The following HCST variants were observed in gnomAD, a reference collection of about 807,000 sequenced individuals.
The protein encoded by HCST is hematopoietic cell signal transducer.
HCST carries 12 observed loss-of-function variants against 10.8 expected under a neutral mutation model. The observed-to-expected ratio is 1.12, with a 90% CI of 0.72 to 1.81. The LOEUF is 1.81. Among genes scored for constraint, HCST ranks in the 40% most tolerant of loss-of-function variants. The pLI, the probability that HCST is intolerant of heterozygous loss-of-function variation, is 0.00. For synonymous variants in HCST, 59 were observed against 51.6 expected (o/e 1.14, Z -0.61); for missense variants, 102 against 117.9 (o/e 0.87, Z 0.62).
chr19:35,903,422 ACTTC>A lies in HCST; in HGVS notation c.109+8_109+11del. ...CTTTTACCCTGGCACTTCAGGTATC[ACTTC>A]CACCCCAGAAGCTTGGCCAGAGGCT... On this transcript the variant is annotated splice_region_variant and intron_variant, in intron 2 of 3. Transcript: ENST00000246551. 1 of 1,613,112 alleles carries A rather than the reference ACTTC, an allele frequency of 6.2e-7. No homozygotes were observed.
rs1797393604 is a variant in HCST, at chr19:35,903,356, G to A, written c.49G>A (p.Ala17Thr). The change falls in exon 2 of 4, where the codon GCA (alanine) becomes ACA (threonine). Residue 17 changes from alanine to threonine, a missense_variant. By Grantham distance (58) the Ala-to-Thr change is moderately conservative. Transcript: ENST00000246551. ...ILFLLLLPVA[A>T]AQTTPGERSS... ...CCTTCTTTCTCTTTCCACAGTGGCT[G>A]CAGCTCAGACGACTCCAGGAGAGAG... The A allele has an allele frequency of 4.3e-6, 7 of 1,613,486 alleles. No homozygotes were observed. Among genetic ancestry groups the A allele is most frequent in the Non-Finnish European group, 5.9e-6 (7 of 1,179,670 alleles).
intron 2 of HCST, 152 bp from the exon 3 acceptor site, chr19:35,903,620 C>A: frequency 8.4e-7 from 1 of 1,188,342 alleles, no homozygotes; most frequent in Non-Finnish European, 1.2e-6. Flanking sequence ...CCCAGCCTCT[C>A]TGCATCTGTC....
chr19:35,903,587 C>G (rs892046092), intron 2 of HCST, 171 bp downstream of exon 2: 3 of 1,043,078 alleles, frequency 2.9e-6, no homozygotes, highest in Non-Finnish European at 4.3e-6. Context: ...GCCCGCCGCA[C>G]AGCCCCGAGG....
intron 1 of HCST, 197 bp from the exon 2 acceptor site, chr19:35,903,154 C>G (rs1975622750): frequency 1.9e-5 from 10 of 534,018 alleles, no homozygotes; most frequent in South Asian, 1.8e-4. Flanking sequence ...ACACTTCCAG[C>G]TAATTTTTGT....
intron 3 of HCST, 96 bp from the exon 4 acceptor site, chr19:35,904,024 T>TG: frequency 6.3e-7 from 1 of 1,590,928 alleles, no homozygotes; most frequent in Non-Finnish European, 8.6e-7. Flanking sequence ...GGGAGGTGCC[T>TG]GGGGGAACCC....
chr19:35,903,530 G>C (rs1975634773), intron 2 of HCST, 114 bp downstream of exon 2: 1 of 1,133,628 alleles, frequency 8.8e-7, no homozygotes, highest in Non-Finnish European at 1.3e-6. Context: ...CCTTCTCCGA[G>C]TCCCAGAATC....
At chr19:35,903,651 G>C in intron 2 of HCST, 121 bp from the exon 3 acceptor site, 1 of 1,414,736 alleles carries the variant, frequency 7.1e-7, no homozygotes, top group South Asian at 1.2e-5. Context: ...TTCCCCAAGC[G>C]CAACTCCAAG....
In HCST at chr19:35,904,368, T is replaced by TC. The variant is rs1975664656; in HGVS notation, c.*212dup. 1 of 798,810 alleles carries TC rather than the reference T, an allele frequency of 1.3e-6. No homozygotes were observed. The highest frequency in any genetic ancestry group is 1.7e-5 in the African/African-American group (1 of 58,842). 49.5% of individuals were successfully genotyped at this position (798,810 alleles called of 1,614,324 possible). On this transcript the variant is annotated 3_prime_UTR_variant, in exon 4 of 4. Coordinates refer to ENST00000246551, the MANE Select transcript of HCST (RefSeq NM_014266.4). ...AAGGCCCCCTCAGAACCCCCACATG[T>TC]CCCCATCCCATCAGCCCAAGGATCT...
rs143437594 is a variant in HCST, at chr19:35,903,528, G to A, written c.109+112G>A. 758 of 1,133,772 alleles carry A rather than the reference G, an allele frequency of 6.7e-4. 3 individuals are homozygous for A. The highest frequency in any genetic ancestry group is 8.9e-4 in the Non-Finnish European group (671 of 752,198). 70.2% of individuals were successfully genotyped at this position (1,133,772 alleles called of 1,614,324 possible). ...AATCAGAGGATCCGTGTCCTTCTCC[G>A]AGTCCCAGAATCAGCGACCCCCAGC... On this transcript the variant is annotated intron_variant, in intron 2 of 3. Coordinates refer to ENST00000246551, the MANE Select transcript of HCST (RefSeq NM_014266.4).
At position 35,902,632 on chromosome 19, in the gene HCST, C is replaced by G; in HGVS notation, c.39C>G (p.Leu13=). 1 of 1,614,132 alleles carries G rather than the reference C, an allele frequency of 6.2e-7. No homozygotes were observed. Among genetic ancestry groups the G allele is most frequent in the Non-Finnish European group, 8.5e-7 (1 of 1,180,000 alleles). Residue 13 remains leucine, a synonymous_variant, in exon 1 of 4, where the codon CTC becomes CTG. Transcript: ENST00000246551. ...HLGHILFLLL[L]PVAAAQTTPG... The stretch of plus-strand genomic sequence containing the variant: ...GTCACATCCTCTTCCTGCTTTTGCT[C>G]CCAGGTGAAGCCAGTGGTTACAGGG...
rs1225932911 is a variant in HCST, at chr19:35,904,375, C to T, written c.*215C>T. 8 of 799,770 alleles carry T rather than the reference C, an allele frequency of 1.0e-5. No homozygotes were observed. Among genetic ancestry groups the T allele is most frequent in the African/African-American group, 6.8e-5 (4 of 58,738 alleles). 49.5% of individuals were successfully genotyped at this position (799,770 alleles called of 1,614,324 possible). A position where few individuals can be genotyped will look rare whatever the true frequency, so the allele number is the denominator to read the frequency against. The stretch of plus-strand genomic sequence containing the variant: ...CCTCAGAACCCCCACATGTCCCCAT[C>T]CCATCAGCCCAAGGATCTGGCATAA... On this transcript the variant is annotated 3_prime_UTR_variant, in exon 4 of 4. Coordinates refer to ENST00000246551, the MANE Select transcript of HCST (RefSeq NM_014266.4).
Position 35,902,569 on chromosome 19 carries a change from G to C in HCST, c.-25G>C, listed in dbSNP as rs1975598895. 6.2e-7 allele frequency: 1 copy of C among 1,611,110 alleles called. No homozygotes were observed. Among genetic ancestry groups the C allele is most frequent in the African/African-American group, 1.4e-5 (1 of 73,012 alleles). On this transcript the variant is annotated 5_prime_UTR_variant, in exon 1 of 4. Transcript: ENST00000246551. Reference sequence around the variant, plus strand: ...TTCTCTGGACCACAGTCCTCTGCCAGACCCCTGCCAGACCCCAGTCCACCA... The same window carrying C: ...TTCTCTGGACCACAGTCCTCTGCCACACCCCTGCCAGACCCCAGTCCACCA...
In HCST at chr19:35,903,889, G is replaced by A. The variant is rs777647806; in HGVS notation, c.227G>A (p.Arg76His). 2 of 1,611,226 alleles carry A rather than the reference G, an allele frequency of 1.2e-6. No homozygotes were observed. Among genetic ancestry groups the A allele is most frequent in the Admixed American group, 1.7e-5 (1 of 59,812 alleles). ...GTGTTCCTGTGCGCACGCCCACGCC[G>A]CAGCCCCGCCCAAGGTGAGGGCGGA... ...GAVFLCARPRRSPAQEDGKVY... is the reference protein window; with the variant it reads ...GAVFLCARPRHSPAQEDGKVY... Residue 76 changes from arginine (R) to histidine (H), a missense_variant, in exon 3 of 4, where the codon CGC becomes CAC. By Grantham distance (29) the Arg-to-His change is conservative. Transcript: ENST00000246551.
chr19:35,903,102 C>T, intron 1 of HCST: 2 of 483,030 alleles, frequency 4.1e-6, no homozygotes, highest in Non-Finnish European at 7.6e-6. Context: ...GTGATCCTCC[C>T]AGCTCAGCCT....
Position 35,904,374 on chromosome 19 carries a change from T to G in HCST, c.*214T>G. On this transcript the variant is annotated 3_prime_UTR_variant, in exon 4 of 4. Transcript: ENST00000246551. ...CCCTCAGAACCCCCACATGTCCCCATCCCATCAGCCCAAGGATCTGGCATA... is the reference window on the plus strand; with the variant it reads ...CCCTCAGAACCCCCACATGTCCCCAGCCCATCAGCCCAAGGATCTGGCATA... 1.3e-6 allele frequency: 1 copy of G among 799,772 alleles called. No individual in the cohort carries two copies. The highest frequency in any genetic ancestry group is 2.1e-6 in the Non-Finnish European group (1 of 471,178). 49.5% of individuals were successfully genotyped at this position (799,772 alleles called of 1,614,324 possible).
chr19:35,904,089 A>G, intron 3 of HCST, 31 bp from the exon 4 acceptor site: 2 of 1,612,816 alleles, frequency 1.2e-6, no homozygotes, highest in Non-Finnish European at 8.5e-7. Flanking sequence ...ATGGGTGGTC[A>G]AGCTTCATGC....
intron 3 of HCST, 99 bp from the exon 4 acceptor site, chr19:35,904,021 G>C (rs1344316804): frequency 6.3e-7 from 1 of 1,589,520 alleles, no homozygotes; most frequent in Admixed American, 1.7e-5. Context: ...TGGGGGAGGT[G>C]CCTGGGGGAA....
chr19:35,904,270 C>T lies in HCST; in HGVS notation c.*110C>T. 8.8e-7 allele frequency: 1 copy of T among 1,141,918 alleles called. No individual in the cohort carries two copies. The highest frequency in any genetic ancestry group is 1.3e-6 in the Non-Finnish European group (1 of 761,804). The allele number at this position is 1,141,918 out of a possible 1,614,324, so 70.7% of individuals were successfully genotyped here. A position where few individuals can be genotyped will look rare whatever the true frequency, so the allele number is the denominator to read the frequency against. On this transcript the variant is annotated 3_prime_UTR_variant, in exon 4 of 4. Coordinates refer to ENST00000246551, the MANE Select transcript of HCST (RefSeq NM_014266.4). ...GGATTGTAATAAAACAATTGAAACA[C>T]CTGTAGTCGTATTCTTTCTCAAAGA...
chr19:35,903,382 A>G lies in HCST; in HGVS notation c.75A>G (p.Arg25=). 1.9e-6 allele frequency: 3 copies of G among 1,613,772 alleles called. No individual in the cohort carries two copies. The highest frequency in any genetic ancestry group is 2.5e-6 in the Non-Finnish European group (3 of 1,179,880). ...VAAAQTTPGE[R]SSLPAFYPGT... ...CAGCTCAGACGACTCCAGGAGAGAG[A>G]TCATCACTCCCTGCCTTTTACCCTG... is the stretch of plus-strand genomic sequence containing the variant. The change falls in exon 2 of 4, where the codon AGA becomes AGG. Residue 25 remains arginine (R), a synonymous_variant. Coordinates refer to ENST00000246551, the MANE Select transcript of HCST (RefSeq NM_014266.4).
Sources: gnomAD v4.1 joint callset for allele counts on GRCh38, gnomAD v4.1.1 for gene constraint, MANE v1.5 for transcripts, NCBI Gene and HGNC (gene_info 2026-07-23, HGNC 2026-07-21) for gene names.